The following ASCC1 variants were observed in gnomAD, a reference collection of about 807,000 sequenced individuals.
ASCC1 encodes the protein activating signal cointegrator 1 complex subunit 1.
Under a neutral mutation model 46.6 loss-of-function variants are expected in ASCC1, and 35 were observed. The ratio of observed to expected loss-of-function variants is 0.75; its 90% CI spans 0.57 to 0.99. The LOEUF is 0.99. ASCC1 is among the 50% of genes least tolerant of loss of function. ASCC1 has a pLI of 0.00. For missense variants in ASCC1, 376 were observed against 428.7 expected, an observed-to-expected ratio of 0.88 and a Z score of 1.09; for synonymous variants, 143 against 146.6, an observed-to-expected ratio of 0.98 and a Z score of 0.18.
chr10:72,216,851 C>T (rs1445231021), upstream of ASCC1: 1 of 456,120 alleles, frequency 2.2e-6, no homozygotes, highest in Non-Finnish European at 4.4e-6. Flanking sequence ...GATACTTCAT[C>T]ATCAGTATTT....
At chr10:72,172,849 A>AATATTTTTACATTATATATATTATATATT (rs1564694715) in intron 5 of ASCC1, among the ~76,000 whole-genome samples, 2 of 127,948 alleles carry the variant, frequency 1.6e-5, no homozygotes, top group African/African-American at 5.8e-5. Context: ...TATTATATAT[A>AATATTTTTACATTATATATATTATATATT]ATATTTTTAT....
chr10:72,137,333 C>T (rs1409055187), intron 7 of ASCC1, among the ~76,000 whole-genome samples: 2 of 151,854 alleles, frequency 1.3e-5, no homozygotes, highest in South Asian at 4.2e-4. Context: ...TCGAGATCAG[C>T]CTGGCCAACA....
chr10:72,141,080 G>GAT (rs1554829970), intron 7 of ASCC1, among the ~76,000 whole-genome samples: 2,604 of 141,000 alleles, frequency 0.018, 32 homozygotes, highest in Non-Finnish European at 0.026. Flanking sequence ...TAGATAGATA[G>GAT]ATAGATATAG....
chr10:72,105,370 A>T (rs1277664305), intron 9 of ASCC1, among the ~76,000 whole-genome samples: 1 of 152,186 alleles, frequency 6.6e-6, no homozygotes, highest in Non-Finnish European at 1.5e-5. Context: ...CCAGCACCCA[A>T]AATGGCCAGC....
chr10:72,102,532 T>A, intron 9 of ASCC1: 1 of 773,540 alleles, frequency 1.3e-6, no homozygotes, highest in South Asian at 1.5e-5. Context: ...ATGTTACAAG[T>A]TGCAAATACA....
At chr10:72,156,485 G>A (rs559462673) in intron 6 of ASCC1, among the ~76,000 whole-genome samples, 2 of 152,290 alleles carry the variant, frequency 1.3e-5, no homozygotes, top group South Asian at 2.1e-4. Context: ...GGATTTGGCC[G>A]GGTGCGGTGG....
intron 9 of ASCC1, among the ~76,000 whole-genome samples, chr10:72,101,762 G>A (rs1003616991): frequency 1.3e-5 from 2 of 152,020 alleles, no homozygotes; most frequent in East Asian, 3.8e-4. Context: ...GACTGGAGAA[G>A]GGAACAAGAT....
At chr10:72,158,826 T>A (rs1174414912) in intron 6 of ASCC1, 1 of 152,154 alleles carries the variant, frequency 6.6e-6, no homozygotes, top group Non-Finnish European at 1.5e-5. Flanking sequence ...CACTACACCA[T>A]AAAAGGTTCA....
At chr10:72,164,730 C>T (rs1316850011) in intron 5 of ASCC1, among the ~76,000 whole-genome samples, 1 of 152,160 alleles carries the variant, frequency 6.6e-6, no homozygotes, top group African/African-American at 2.4e-5. Context: ...ATTGGCTGAA[C>T]TAACAAACAT....
intron 9 of ASCC1, among the ~76,000 whole-genome samples, chr10:72,097,672 T>C (rs1459144561): frequency 6.6e-6 from 1 of 152,108 alleles, no homozygotes; most frequent in East Asian, 1.9e-4. Context: ...TTCTAAAGTC[T>C]CCCCTGACAA....
chr10:72,134,075 G>A (rs1845906308), intron 7 of ASCC1: 1 of 152,268 alleles, frequency 6.6e-6, no homozygotes, highest in African/African-American at 2.4e-5. Flanking sequence ...GAGGTCAGGA[G>A]TTTGAGACCA....
chr10:72,205,952 A>C (rs1361745852), intron 3 of ASCC1, among the ~76,000 whole-genome samples: 1 of 151,808 alleles, frequency 6.6e-6, no homozygotes, highest in Non-Finnish European at 1.5e-5. Flanking sequence ...AAAAATACAA[A>C]AATTACCCAG....
Position 72,210,795 on chromosome 10 carries a change from T to G in ASCC1, c.149A>C (p.Tyr50Ser), listed in dbSNP as rs1857969540. Residue 50 changes from tyrosine (Y) to serine (S), a missense_variant, in exon 3 of 10, where the codon TAC becomes TCC. Coordinates refer to ENST00000672957, the MANE Select transcript of ASCC1 (RefSeq NM_001198800.3). ...TCCTTGTGGGGTCTGCTCCACCTCG[T>G]AGGCATCACAGGGCTCATCAGCACA... ...MECADEPCDA[Y>S]EVEQTPQGFR... 6.2e-7 allele frequency: 1 copy of G among 1,613,938 alleles called. No individual in the cohort carries two copies.
At chr10:72,167,811 A>T (rs567363048) in intron 5 of ASCC1, among the ~76,000 whole-genome samples, 31 of 151,684 alleles carry the variant, frequency 2.0e-4, no homozygotes, top group Non-Finnish European at 3.1e-4. Flanking sequence ...AATTTTTTTT[A>T]AATTTTTGTA....
intron 8 of ASCC1, among the ~76,000 whole-genome samples, chr10:72,130,576 T>C (rs1015092815): frequency 7.2e-5 from 11 of 152,210 alleles, no homozygotes; most frequent in African/African-American, 2.4e-4. Flanking sequence ...TAGTTAATGA[T>C]GGACCATGAC....
At position 72,096,978 on chromosome 10, in the gene ASCC1, C is replaced by G. The variant is rs185954354; in HGVS notation, c.*356G>C. The G allele has an allele frequency of 4.4e-6, 2 of 454,952 alleles. No homozygotes were observed. The highest frequency in any genetic ancestry group is 1.4e-4 in the East Asian group (2 of 14,444). The allele number at this position is 454,952 out of a possible 1,614,324, so 28.2% of individuals were successfully genotyped here. A position where few individuals can be genotyped will look rare whatever the true frequency, so the allele number is the denominator to read the frequency against. On this transcript the variant is annotated 3_prime_UTR_variant, in exon 10 of 10. Coordinates refer to ENST00000672957, the MANE Select transcript of ASCC1 (RefSeq NM_001198800.3). ...CTGAGAAGCCTATGGAGATGGACGG[C>G]GGTGACGGCCACACAGCATTATGAA...
chr10:72,174,353 A>G (rs1412883675), intron 5 of ASCC1, among the ~76,000 whole-genome samples: 6 of 152,158 alleles, frequency 3.9e-5, no homozygotes, highest in Non-Finnish European at 7.4e-5. Context: ...AGACATAATA[A>G]AATCTACACA....
chr10:72,176,266 A>T (rs1268455593), intron 5 of ASCC1, among the ~76,000 whole-genome samples: 1 of 152,110 alleles, frequency 6.6e-6, no homozygotes, highest in Non-Finnish European at 1.5e-5. Context: ...CTCTCAAGAC[A>T]TCCTCCACAC....
At chr10:72,128,270 T>G in intron 8 of ASCC1, 103 bp from the exon 9 acceptor site, 2 of 926,726 alleles carry the variant, frequency 2.2e-6, no homozygotes, top group Non-Finnish European at 3.5e-6. Context: ...TTTCATGAAC[T>G]ACCTGGAAAG....
Sources: allele counts gnomAD v4.1 joint callset (sites outside exome capture counted in the v4.1 genomes callset), GRCh38; gene constraint gnomAD v4.1.1; transcripts MANE v1.5; gene names NCBI Gene and HGNC (gene_info 2026-07-23, HGNC 2026-07-21).